Variants in FHIT observed in about 807,000 individuals in gnomAD.
FHIT encodes bis(5'-adenosyl)-triphosphatase.
In FHIT, 19 loss-of-function variants were observed where a neutral mutation model predicts 17.9. That is an observed-to-expected ratio of 1.06 (90% CI 0.74 to 1.56). The LOEUF (loss-of-function observed/expected upper bound fraction) is 1.56. FHIT is among the 40% of genes most tolerant of loss of function. FHIT has a pLI of 0.00. For missense variants in FHIT, 248 were observed against 189.2 expected (o/e 1.31, Z -1.82); for synonymous variants, 81 against 69.7 (o/e 1.16, Z -0.81).
intron 4 of FHIT, among the ~76,000 whole-genome samples, chr3:60,627,712 C>T (rs931034788): frequency 1.3e-5 from 2 of 152,200 alleles, no homozygotes; most frequent in African/African-American, 2.4e-5. Flanking sequence ...TTAGTAGAGA[C>T]GGGGTGTCAC....
chr3:59,822,510 T>C (rs1443638340), intron 8 of FHIT, among the ~76,000 whole-genome samples: 1 of 152,194 alleles, frequency 6.6e-6, no homozygotes, highest in Non-Finnish European at 1.5e-5. Context: ...AGTAAGGTAG[T>C]ATCATATTGT....
chr3:59,748,123 T>C lies in FHIT; in HGVS notation c.*1462A>G, dbSNP rs1700701630. The stretch of plus-strand genomic sequence containing the variant: ...GCAAGCAACTATGCAGAGCTGGAAA[T>C]CATCAGCATTGTTTTTCTCTTATGT... On this transcript the variant is annotated 3_prime_UTR_variant, in exon 10 of 10. Coordinates refer to ENST00000492590, the MANE Select transcript of FHIT (RefSeq NM_002012.4). Among the ~76,000 whole-genome samples, 1 of 152,168 alleles carries C rather than the reference T, an allele frequency of 6.6e-6. No homozygotes were observed. Among genetic ancestry groups the C allele is most frequent in the Admixed American group, 6.6e-5 (1 of 15,264 alleles).
At chr3:60,922,243 T>C (rs1356456815) in intron 3 of FHIT, among the ~76,000 whole-genome samples, 2 of 152,236 alleles carry the variant, frequency 1.3e-5, no homozygotes, top group Non-Finnish European at 2.9e-5. Flanking sequence ...CCCGACTTGC[T>C]TGGGCACATT....
chr3:60,565,300 A>AT (rs2037093250), intron 4 of FHIT, among the ~76,000 whole-genome samples: 1 of 152,160 alleles, frequency 6.6e-6, no homozygotes. Context: ...TCTTTGAGGT[A>AT]TGGCTGTACC....
At chr3:60,163,718 C>A (rs1193831191) in intron 5 of FHIT, among the ~76,000 whole-genome samples, 1 of 152,172 alleles carries the variant, frequency 6.6e-6, no homozygotes, top group Non-Finnish European at 1.5e-5. Context: ...GTTGTGGGGT[C>A]TGCACCGAGC....
At chr3:60,214,886 G>T (rs552875968) in intron 5 of FHIT, among the ~76,000 whole-genome samples, 1 of 152,092 alleles carries the variant, frequency 6.6e-6, no homozygotes, top group Non-Finnish European at 1.5e-5. Context: ...TGCAGCTGGA[G>T]GCCATTATCC....
chr3:60,472,450 G>A (rs1195816019), intron 5 of FHIT, among the ~76,000 whole-genome samples: 3 of 149,288 alleles, frequency 2.0e-5, no homozygotes, highest in African/African-American at 7.4e-5. Flanking sequence ...CTCACTGCAA[G>A]CTCCACTTCC....
At chr3:61,117,949 A>G (rs1056227872) in intron 2 of FHIT, among the ~76,000 whole-genome samples, 3 of 152,174 alleles carry the variant, frequency 2.0e-5, no homozygotes, top group African/African-American at 7.2e-5. Context: ...TTTTGAGTTC[A>G]TTTATACAAA....
intron 8 of FHIT, among the ~76,000 whole-genome samples, chr3:59,859,857 A>T (rs1702332923): frequency 6.6e-6 from 1 of 152,178 alleles, no homozygotes; most frequent in Non-Finnish European, 1.5e-5. Flanking sequence ...AGTTGGCAAA[A>T]TGTGAATGGG....
At chr3:60,055,696 A>G (rs557828685) in intron 5 of FHIT, among the ~76,000 whole-genome samples, 114 of 152,320 alleles carry the variant, frequency 7.5e-4, no homozygotes, top group Non-Finnish European at 8.8e-4. Flanking sequence ...AACATGTTGA[A>G]GGGCCAGATT....
chr3:60,744,006 G>A (rs1262284174), intron 4 of FHIT, among the ~76,000 whole-genome samples: 1 of 152,084 alleles, frequency 6.6e-6, no homozygotes, highest in Admixed American at 6.5e-5. Flanking sequence ...AGCTGGACTA[G>A]CTTAGTTCCC....
chr3:60,365,215 G>A (rs1328681552), intron 5 of FHIT, among the ~76,000 whole-genome samples: 1 of 150,302 alleles, frequency 6.7e-6, no homozygotes, highest in Admixed American at 6.7e-5. Flanking sequence ...GATCTTTCTG[G>A]AAAATCAAAA....
At chr3:59,837,395 G>A (rs1405723277) in intron 8 of FHIT, among the ~76,000 whole-genome samples, 4 of 152,044 alleles carry the variant, frequency 2.6e-5, no homozygotes, top group Middle Eastern at 3.2e-3. Flanking sequence ...TAAATGCTAC[G>A]TAAATAGTTA....
At chr3:60,239,022 G>C (rs375222455) in intron 5 of FHIT, among the ~76,000 whole-genome samples, 1 of 152,132 alleles carries the variant, frequency 6.6e-6, no homozygotes, top group Non-Finnish European at 1.5e-5. Flanking sequence ...ATTTTTCTAA[G>C]AATGTATATA....
intron 5 of FHIT, among the ~76,000 whole-genome samples, chr3:60,058,562 T>C (rs1408050869): frequency 6.6e-6 from 1 of 152,228 alleles, no homozygotes. Flanking sequence ...TTTTATGTTA[T>C]GTGTAGTTTG....
At chr3:60,218,423 A>G (rs1008752913) in intron 5 of FHIT, among the ~76,000 whole-genome samples, 4 of 152,202 alleles carry the variant, frequency 2.6e-5, no homozygotes, top group Admixed American at 2.0e-4. Context: ...TGTCAATTAT[A>G]AAACAGTTGA....
At chr3:60,959,794 G>A (rs1709327787) in intron 3 of FHIT, among the ~76,000 whole-genome samples, 1 of 150,770 alleles carries the variant, frequency 6.6e-6, no homozygotes. Context: ...ATCAGGAGAG[G>A]CTTTTTCTTT....
At chr3:60,516,672 T>G (rs1364306066) in intron 5 of FHIT, among the ~76,000 whole-genome samples, 1 of 152,226 alleles carries the variant, frequency 6.6e-6, no homozygotes, top group Non-Finnish European at 1.5e-5. Context: ...GAGTGCTAAA[T>G]TAATATTTAT....
intron 5 of FHIT, among the ~76,000 whole-genome samples, chr3:60,232,370 G>A (rs1359667817): frequency 1.3e-5 from 2 of 152,046 alleles, no homozygotes; most frequent in African/African-American, 4.8e-5. Context: ...TTTAAGAACA[G>A]GAGCAATTTC....
Sources: gnomAD v4.1 joint callset for allele counts (sites outside exome capture counted in the v4.1 genomes callset) on GRCh38, gnomAD v4.1.1 for gene constraint, MANE v1.5 for transcripts, NCBI Gene and HGNC (gene_info 2026-07-23, HGNC 2026-07-21) for gene names.